ANXA4: variants seen among roughly 807,000 people sequenced by gnomAD.
ANXA4 encodes the protein annexin A4.
Under a neutral mutation model 49.8 loss-of-function variants are expected in ANXA4, and 39 were observed. The observed-to-expected ratio is 0.78, with a 90% CI of 0.61 to 1.02. The LOEUF (loss-of-function observed/expected upper bound fraction) is 1.02. Among genes scored for constraint, ANXA4 ranks in the 50% least tolerant of loss-of-function variants. The pLI, the probability that ANXA4 is intolerant of heterozygous loss-of-function variation, is 0.00. For synonymous variants in ANXA4, 134 were observed against 152.5 expected (o/e 0.88, Z 0.89); for missense variants, 360 against 410.1 (o/e 0.88, Z 1.05).
intron 2 of ANXA4, among the ~76,000 whole-genome samples, chr2:69,672,309 G>A (rs1300615214): frequency 6.6e-6 from 1 of 151,614 alleles, no homozygotes; most frequent in East Asian, 1.9e-4. Flanking sequence ...TCGGCTCAGT[G>A]CAACCTCTGC....
At chr2:69,746,249 A>T (rs1670607302) in intron 1 of ANXA4, among the ~76,000 whole-genome samples, 1 of 152,038 alleles carries the variant, frequency 6.6e-6, no homozygotes. Context: ...TGACCTCATG[A>T]TCCACCCGCC....
At chr2:69,674,902 T>A (rs995271982) in intron 2 of ANXA4, among the ~76,000 whole-genome samples, 2 of 151,152 alleles carry the variant, frequency 1.3e-5, no homozygotes, top group African/African-American at 4.9e-5. Flanking sequence ...AAAATTGTAC[T>A]CTAACATAAA....
chr2:69,753,197 G>A (rs1406094073), intron 1 of ANXA4, among the ~76,000 whole-genome samples: 2 of 152,204 alleles, frequency 1.3e-5, no homozygotes, highest in South Asian at 2.1e-4. Context: ...GCCATGCCTA[G>A]TATATGATAG....
At chr2:69,823,482 C>A (rs1573325668) in intron 12 of ANXA4, among the ~76,000 whole-genome samples, 1 of 151,710 alleles carries the variant, frequency 6.6e-6, no homozygotes, top group African/African-American at 2.4e-5. Flanking sequence ...TAAGAAACAA[C>A]TAAAATACAG....
intron 2 of ANXA4, chr2:69,713,974 C>G (rs887002868): frequency 6.6e-6 from 1 of 152,404 alleles, no homozygotes; most frequent in East Asian, 1.9e-4. Flanking sequence ...GGAAGGAGCT[C>G]TACTCTCCCT....
At chr2:69,725,604 G>T (rs570745946) in intron 3 of ANXA4, among the ~76,000 whole-genome samples, 1 of 152,132 alleles carries the variant, frequency 6.6e-6, no homozygotes, top group African/African-American at 2.4e-5. Context: ...CTTCCATCAC[G>T]CTGGTACATC....
intron 2 of ANXA4, among the ~76,000 whole-genome samples, chr2:69,692,608 C>A (rs1308089006): frequency 6.6e-6 from 1 of 152,180 alleles, no homozygotes; most frequent in Non-Finnish European, 1.5e-5. Flanking sequence ...AGTCTTCATA[C>A]CTCAGTGACT....
At chr2:69,772,625 C>G (rs1334407905) in intron 1 of ANXA4, among the ~76,000 whole-genome samples, 1 of 152,172 alleles carries the variant, frequency 6.6e-6, no homozygotes, top group Non-Finnish European at 1.5e-5. Context: ...AGGCTCTATG[C>G]TAATAAGCAT....
At chr2:69,748,202 C>T (rs905540286) in intron 1 of ANXA4, among the ~76,000 whole-genome samples, 9 of 151,696 alleles carry the variant, frequency 5.9e-5, no homozygotes, top group Admixed American at 2.0e-4. Flanking sequence ...GGTGAAACCC[C>T]GTCTCTACTA....
intron 1 of ANXA4, among the ~76,000 whole-genome samples, chr2:69,770,058 G>A (rs534862236): frequency 3.4e-4 from 52 of 152,282 alleles, no homozygotes; most frequent in Middle Eastern, 3.4e-3. Flanking sequence ...ACAAAAGACC[G>A]TCCGTAAGTT....
At position 69,824,251 on chromosome 2, in the gene ANXA4, C is replaced by G. The variant is rs144039981; in HGVS notation, c.907-1205C>G. On this transcript the variant is annotated intron_variant, in intron 12 of 12. Coordinates refer to ENST00000394295, the MANE Select transcript of ANXA4 (RefSeq NM_001153.5). The stretch of plus-strand genomic sequence containing the variant: ...GGTGCGGTGGCTCACACCTGTAATC[C>G]TAGTACTTTGGGAGGCCAAGGTGAG... Among the ~76,000 whole-genome samples the G allele has an allele frequency of 4.5e-3, 684 of 152,078 alleles. 6 individuals carry two copies. Among genetic ancestry groups the G allele is most frequent in the African/African-American group, 0.014 (588 of 41,482 alleles).
At chr2:69,644,284 C>T (rs1193042897), upstream of ANXA4, 1 of 151,416 alleles carries the variant, frequency 6.6e-6, no homozygotes, top group African/African-American at 2.4e-5. Flanking sequence ...AGACTGACAC[C>T]TGAAGGACGC....
intron 2 of ANXA4, among the ~76,000 whole-genome samples, chr2:69,662,337 T>C (rs1676753875): frequency 6.6e-6 from 1 of 152,148 alleles, no homozygotes; most frequent in Non-Finnish European, 1.5e-5. Context: ...CTATGCACGC[T>C]TGGAAGCTGT....
intron 3 of ANXA4, among the ~76,000 whole-genome samples, chr2:69,732,610 T>C (rs377451418): frequency 1.3e-5 from 2 of 151,652 alleles, no homozygotes; most frequent in South Asian, 4.2e-4. Flanking sequence ...AATAAAAAAT[T>C]AGTTGGGCGT....
chr2:69,682,294 A>G (rs553520951), intron 2 of ANXA4, among the ~76,000 whole-genome samples: 23 of 152,228 alleles, frequency 1.5e-4, no homozygotes, highest in African/African-American at 5.1e-4. Flanking sequence ...CGTACGTTCT[A>G]TGTCAATTTC....
At chr2:69,653,057 G>T (rs1371440678) in exon 2 of ANXA4, 1 of 152,154 alleles carries the variant, frequency 6.6e-6, no homozygotes, top group Non-Finnish European at 1.5e-5. Flanking sequence ...TATGGGGTGT[G>T]ATCTGTGTCT....
intron 2 of ANXA4, among the ~76,000 whole-genome samples, chr2:69,677,832 C>A (rs898482246): frequency 1.3e-5 from 2 of 152,176 alleles, no homozygotes; most frequent in Admixed American, 1.3e-4. Context: ...GAACTTCTTA[C>A]CCCTAAAGCA....
At chr2:69,666,284 A>G (rs1205628678) in intron 2 of ANXA4, among the ~76,000 whole-genome samples, 1 of 152,220 alleles carries the variant, frequency 6.6e-6, no homozygotes, top group African/African-American at 2.4e-5. Flanking sequence ...CAAAACCACA[A>G]TGAGATACTA....
intron 3 of ANXA4, among the ~76,000 whole-genome samples, chr2:69,723,982 C>T (rs925424862): frequency 6.6e-6 from 1 of 152,168 alleles, no homozygotes; most frequent in Non-Finnish European, 1.5e-5. Context: ...GGGCCGGGCG[C>T]GGTGGCGCAC....
Sources: allele counts gnomAD v4.1 joint callset (sites outside exome capture counted in the v4.1 genomes callset), GRCh38; gene constraint gnomAD v4.1.1; transcripts MANE v1.5; gene names NCBI Gene and HGNC (gene_info 2026-07-23, HGNC 2026-07-21).